The following CENPP variants were observed in gnomAD, a reference collection of about 807,000 sequenced individuals.
CENPP encodes the protein centromere protein P.
A neutral mutation model predicts 35.6 loss-of-function variants in CENPP; 24 were observed. The ratio of observed to expected loss-of-function variants is 0.67; its 90% confidence interval spans 0.49 to 0.95. The LOEUF is 0.95. Ranked by LOEUF, CENPP falls within the 40% of genes least tolerant of loss-of-function variation. CENPP has a pLI of 0.00. For synonymous variants in CENPP, 120 were observed against 125.5 expected, an observed-to-expected ratio of 0.96 and a Z score of 0.29; for missense variants, 332 against 345.3, an observed-to-expected ratio of 0.96 and a Z score of 0.31.
At chr9:92,416,103 ATTTT>A (rs1196539814) in intron 5 of CENPP, among the ~76,000 whole-genome samples, 44 of 128,490 alleles carry the variant, frequency 3.4e-4, no homozygotes, top group African/African-American at 1.2e-3. Context: ...TATTTATTTT[ATTTT>A]TTTTTTTTTT....
intron 5 of CENPP, among the ~76,000 whole-genome samples, chr9:92,485,527 TCG>T (rs1846034193): frequency 2.6e-5 from 4 of 152,188 alleles, no homozygotes; most frequent in Non-Finnish European, 5.9e-5. Flanking sequence ...ATGCTAACCA[TCG>T]TGAAAATAAA....
chr9:92,335,439 A>G (rs886499191), intron 2 of CENPP, among the ~76,000 whole-genome samples: 1 of 152,092 alleles, frequency 6.6e-6, no homozygotes, highest in Non-Finnish European at 1.5e-5. Context: ...CATTTTTGGC[A>G]CATTTATTTT....
intron 7 of CENPP, 36 bp from the exon 8 acceptor site, chr9:92,612,983 T>G (rs771737325): frequency 6.2e-7 from 1 of 1,612,446 alleles, no homozygotes; most frequent in Non-Finnish European, 8.5e-7. Flanking sequence ...GCTGCCACCT[T>G]GAAGTTTCTT....
intron 5 of CENPP, chr9:92,415,473 C>G: frequency 6.4e-7 from 1 of 1,560,086 alleles, no homozygotes; most frequent in Non-Finnish European, 8.7e-7. Context: ...CTGTAAGATT[C>G]ATCTCTGAAA....
chr9:92,468,697 A>C (rs1022363391), intron 5 of CENPP, among the ~76,000 whole-genome samples: 5 of 152,238 alleles, frequency 3.3e-5, no homozygotes, highest in Non-Finnish European at 7.3e-5. Flanking sequence ...CCTACAATTC[A>C]AGTATAAAGC....
chr9:92,514,848 A>T (rs762503486), intron 5 of CENPP: 1 of 1,608,420 alleles, frequency 6.2e-7, no homozygotes, highest in South Asian at 1.1e-5. Flanking sequence ...CACCCTCCTC[A>T]CCCTCCTCCT....
intron 4 of CENPP, among the ~76,000 whole-genome samples, chr9:92,371,869 T>A (rs1403555511): frequency 2.0e-5 from 3 of 149,202 alleles, no homozygotes; most frequent in Admixed American, 2.0e-4. Context: ...TATTTGTTGT[T>A]GTTTTTTTTT....
intron 5 of CENPP, chr9:92,514,864 T>A (rs768427718): frequency 1.9e-6 from 3 of 1,603,840 alleles, no homozygotes; most frequent in Non-Finnish European, 2.6e-6. Flanking sequence ...CTCCTCCTCA[T>A]CCTCCTCCTC....
chr9:92,517,857 A>C (rs755658894), intron 5 of CENPP: 12 of 1,614,044 alleles, frequency 7.4e-6, no homozygotes, highest in Non-Finnish European at 1.0e-5. Context: ...GCCCTTTACC[A>C]AACAGTGTCC....
intron 2 of CENPP, 38 bp from the exon 3 acceptor site, chr9:92,337,503 C>T (rs1427431372): frequency 8.7e-7 from 1 of 1,146,674 alleles, no homozygotes; most frequent in Admixed American, 1.8e-5. Flanking sequence ...AAGAAAATGG[C>T]TATTTGCAAA....
At chr9:92,532,997 G>A (rs912099547) in intron 5 of CENPP, among the ~76,000 whole-genome samples, 3 of 151,948 alleles carry the variant, frequency 2.0e-5, no homozygotes, top group South Asian at 2.1e-4. Context: ...TCACCATATT[G>A]AATTAATAAT....
At chr9:92,485,455 TA>T (rs1846032217) in intron 5 of CENPP, among the ~76,000 whole-genome samples, 1 of 152,234 alleles carries the variant, frequency 6.6e-6, no homozygotes, top group Non-Finnish European at 1.5e-5. Flanking sequence ...AGTTTATGAA[TA>T]AAAATATTGA....
chr9:92,608,562 G>A (rs1851145819), intron 5 of CENPP, among the ~76,000 whole-genome samples: 1 of 152,266 alleles, frequency 6.6e-6, no homozygotes, highest in African/African-American at 2.4e-5. Context: ...TATAACTAAC[G>A]TACCCCTGTT....
chr9:92,364,301 G>A (rs1841833812), intron 4 of CENPP, among the ~76,000 whole-genome samples: 1 of 152,110 alleles, frequency 6.6e-6, no homozygotes. Flanking sequence ...CCAAAGTGCT[G>A]GGATTACAGA....
At chr9:92,603,955 G>GT (rs1304637482) in intron 5 of CENPP, among the ~76,000 whole-genome samples, 3 of 152,222 alleles carry the variant, frequency 2.0e-5, no homozygotes, top group Non-Finnish European at 4.4e-5. Flanking sequence ...CCAGCAGGTG[G>GT]TAATGGGGCT....
intron 5 of CENPP, among the ~76,000 whole-genome samples, chr9:92,603,739 C>A (rs1231448454): frequency 3.9e-5 from 6 of 152,264 alleles, no homozygotes; most frequent in South Asian, 2.1e-4. Flanking sequence ...TGATGCCACA[C>A]CCCCAGAGCA....
At chr9:92,568,878 G>A (rs1162861358) in intron 5 of CENPP, among the ~76,000 whole-genome samples, 1 of 152,182 alleles carries the variant, frequency 6.6e-6, no homozygotes, top group African/African-American at 2.4e-5. Context: ...CTGCATAAAT[G>A]TCTTCTTTTG....
Position 92,618,400 on chromosome 9 carries a change from C to G in CENPP, c.*5251C>G, listed in dbSNP as rs1273628161. The G allele has an allele frequency of 2.2e-6, 1 of 456,706 alleles. No homozygotes were observed. Among genetic ancestry groups the G allele is most frequent in the Non-Finnish European group, 4.4e-6 (1 of 226,970 alleles). 28.3% of individuals were successfully genotyped at this position (456,706 alleles called of 1,614,324 possible). A position where few individuals can be genotyped will look rare whatever the true frequency, so the allele number is the denominator to read the frequency against. On this transcript the variant is annotated 3_prime_UTR_variant, in exon 8 of 8. Transcript: ENST00000375587. ...GGCTTTCCAATTTGACATCACTGAC[C>G]AGGCACTAAGAGATTCCCAGGTGCT...
chr9:92,468,513 A>G (rs1181816563), intron 5 of CENPP, among the ~76,000 whole-genome samples: 5 of 152,186 alleles, frequency 3.3e-5, no homozygotes, highest in Admixed American at 1.3e-4. Flanking sequence ...GTGTTCAGTG[A>G]TTTTGCTCTG....
Sources: allele counts gnomAD v4.1 joint callset (sites outside exome capture counted in the v4.1 genomes callset), GRCh38; gene constraint gnomAD v4.1.1; transcripts MANE v1.5; gene names NCBI Gene and HGNC (gene_info 2026-07-23, HGNC 2026-07-21).